Variants in SOX5 observed in about 807,000 individuals in gnomAD.
SOX5 encodes transcription factor SOX-5.
In SOX5, 9 loss-of-function variants were observed where a neutral mutation model predicts 92.0. The observed-to-expected ratio is 0.10, with a 90% CI of 0.06 to 0.17. SOX5 has a LOEUF of 0.17. Among genes scored for constraint, SOX5 ranks in the 10% least tolerant of loss-of-function variants. SOX5 has a pLI of 1.00. For missense variants in SOX5, 642 were observed against 944.5 expected (o/e 0.68, Z 4.20); for synonymous variants, 344 against 336.3 (o/e 1.02, Z -0.25).
At chr12:24,324,823 T>C (rs889043028) in intron 2 of SOX5, among the ~76,000 whole-genome samples, 6 of 152,128 alleles carry the variant, frequency 3.9e-5, no homozygotes, top group African/African-American at 1.4e-4. Context: ...TATAGCACAA[T>C]GCCTACCTCC....
At chr12:23,830,127 G>A (rs2096291584) in intron 3 of SOX5, among the ~76,000 whole-genome samples, 1 of 152,256 alleles carries the variant, frequency 6.6e-6, no homozygotes, top group East Asian at 1.9e-4. Context: ...AACAAGTTTC[G>A]CTTCAGTGTT....
intron 1 of SOX5, among the ~76,000 whole-genome samples, chr12:23,946,598 C>T (rs1944629790): frequency 6.6e-6 from 1 of 151,962 alleles, no homozygotes; most frequent in Admixed American, 6.6e-5. Flanking sequence ...TCATTATCTA[C>T]TTTCAGTTAA....
At chr12:23,859,595 C>A (rs563013587) in intron 2 of SOX5, among the ~76,000 whole-genome samples, 1 of 152,244 alleles carries the variant, frequency 6.6e-6, no homozygotes, top group African/African-American at 2.4e-5. Flanking sequence ...GCTCCTCTGC[C>A]TTGTGATCTT....
At chr12:23,701,360 T>A (rs1163681840) in intron 6 of SOX5, among the ~76,000 whole-genome samples, 1 of 152,040 alleles carries the variant, frequency 6.6e-6, no homozygotes, top group Non-Finnish European at 1.5e-5. Context: ...TGAAATTTTT[T>A]TTTTAATAAA....
At chr12:24,433,075 A>G (rs1938675091) in intron 1 of SOX5, among the ~76,000 whole-genome samples, 1 of 152,230 alleles carries the variant, frequency 6.6e-6, no homozygotes, top group African/African-American at 2.4e-5. Context: ...AATAAAGACC[A>G]TATGCATGCT....
chr12:24,475,046 T>G (rs1370322033), intron 1 of SOX5, among the ~76,000 whole-genome samples: 3 of 152,084 alleles, frequency 2.0e-5, no homozygotes. Context: ...AGATGGGGTT[T>G]CACCATGTTG....
chr12:23,949,402 C>T (rs1044978815), intron 1 of SOX5, among the ~76,000 whole-genome samples, 162 bp downstream of exon 1: 1 of 151,994 alleles, frequency 6.6e-6, no homozygotes, highest in East Asian at 1.9e-4. Flanking sequence ...CAGTTTGGTC[C>T]GGGCAATCAC....
chr12:24,138,564 T>C (rs181153018), intron 4 of SOX5, among the ~76,000 whole-genome samples: 96 of 152,328 alleles, frequency 6.3e-4, no homozygotes, highest in African/African-American at 2.3e-3. Flanking sequence ...AGTGGGCATG[T>C]ATTACAGAAG....
intron 3 of SOX5, among the ~76,000 whole-genome samples, chr12:24,214,900 G>T (rs1959045528): frequency 6.6e-6 from 1 of 151,954 alleles, no homozygotes; most frequent in African/African-American, 2.4e-5. Context: ...ATGGCAAGAA[G>T]AATTACACTC....
intron 2 of SOX5, among the ~76,000 whole-genome samples, chr12:23,854,493 T>C (rs2096666664): frequency 1.3e-5 from 2 of 151,736 alleles, no homozygotes; most frequent in African/African-American, 4.8e-5. Context: ...CTAAACTCTC[T>C]AAGCCTGTTT....
chr12:24,061,873 C>T (rs1939784788), intron 4 of SOX5, among the ~76,000 whole-genome samples: 2 of 151,898 alleles, frequency 1.3e-5, no homozygotes, highest in East Asian at 3.9e-4. Context: ...AACATTAAAA[C>T]ACTGCTTGCT....
intron 3 of SOX5, among the ~76,000 whole-genome samples, chr12:23,833,277 A>G (rs2096359951): frequency 6.6e-6 from 1 of 151,938 alleles, no homozygotes; most frequent in South Asian, 2.1e-4. Flanking sequence ...GAACTAGGAA[A>G]GGAGAGGTTG....
intron 7 of SOX5, among the ~76,000 whole-genome samples, chr12:23,655,100 C>T (rs1170634950): frequency 6.6e-6 from 1 of 151,964 alleles, no homozygotes; most frequent in African/African-American, 2.4e-5. Context: ...TTAAGAAACA[C>T]CTCTCAGAAT....
intron 6 of SOX5, among the ~76,000 whole-genome samples, chr12:23,684,288 T>G (rs1316114920): frequency 6.6e-6 from 1 of 152,054 alleles, no homozygotes; most frequent in Non-Finnish European, 1.5e-5. Flanking sequence ...ACAATTATTG[T>G]GCTGGGAACA....
At chr12:23,608,115 GAAAAAAAAAAAAAA>G (rs772255622) in intron 8 of SOX5, among the ~76,000 whole-genome samples, 3 of 44,084 alleles carry the variant, frequency 6.8e-5, no homozygotes, top group Admixed American at 3.8e-4. Context: ...AAAGAAAAAA[GAAAAAAAAAAAAAA>G]AAAAAAAAAA....
chr12:23,563,501 C>T, intron 10 of SOX5, 98 bp from the exon 11 acceptor site: 3 of 981,670 alleles, frequency 3.1e-6, no homozygotes, highest in Non-Finnish European at 4.6e-6. Flanking sequence ...TAGGTAGTGT[C>T]TGGCCTATAA....
intron 4 of SOX5, among the ~76,000 whole-genome samples, chr12:24,143,041 G>C (rs1305413654): frequency 6.6e-6 from 1 of 151,942 alleles, no homozygotes; most frequent in Non-Finnish European, 1.5e-5. Flanking sequence ...ATTCTGACCA[G>C]CTATGCTGGA....
intron 1 of SOX5, among the ~76,000 whole-genome samples, chr12:24,482,844 T>C (rs1946146600): frequency 6.6e-6 from 1 of 152,192 alleles, no homozygotes; most frequent in Non-Finnish European, 1.5e-5. Flanking sequence ...AAAAGATTGT[T>C]CTAAATTATC....
intron 3 of SOX5, among the ~76,000 whole-genome samples, chr12:23,829,985 C>A (rs558405696): frequency 3.9e-5 from 6 of 152,042 alleles, no homozygotes; most frequent in Non-Finnish European, 5.9e-5. Context: ...GATTACCAAG[C>A]AGAATTTCTG....
Sources: gnomAD v4.1 joint callset for allele counts (sites outside exome capture counted in the v4.1 genomes callset) on GRCh38, gnomAD v4.1.1 for gene constraint, MANE v1.5 for transcripts, NCBI Gene and HGNC (gene_info 2026-07-23, HGNC 2026-07-21) for gene names.